HECA: variants seen among roughly 807,000 people sequenced by gnomAD.
HECA encodes headcase protein homolog.
In HECA, 13 loss-of-function variants were observed where a neutral mutation model predicts 37.6. That is an observed-to-expected ratio of 0.35 (90% CI 0.23 to 0.55). The LOEUF (loss-of-function observed/expected upper bound fraction) is 0.55, where lower values mean the gene tolerates loss of function less well. Ranked by LOEUF, HECA falls within the 20% of genes least tolerant of loss-of-function variation. The probability of loss-of-function intolerance (pLI) is 0.90; values close to 1 mark genes in which losing one functional copy is unlikely to be tolerated. For missense variants in HECA, 527 were observed against 701.9 expected (o/e 0.75, Z 2.82); for synonymous variants, 307 against 291.5 (o/e 1.05, Z -0.54).
chr6:139,161,679 G>T (rs1369660545), intron 1 of HECA, among the ~76,000 whole-genome samples: 1 of 152,170 alleles, frequency 6.6e-6, no homozygotes, highest in African/African-American at 2.4e-5. Context: ...TATCAAGTCA[G>T]TCTCAACATT....
intron 1 of HECA, among the ~76,000 whole-genome samples, chr6:139,158,535 C>T (rs967681884): frequency 4.0e-5 from 6 of 150,238 alleles, no homozygotes; most frequent in South Asian, 2.1e-4. Context: ...GGAGTGGTGG[C>T]GTGCACCTGT....
chr6:139,164,339 A>G (rs1774851852), intron 1 of HECA, among the ~76,000 whole-genome samples: 1 of 152,050 alleles, frequency 6.6e-6, no homozygotes, highest in African/African-American at 2.4e-5. Flanking sequence ...ATTTCCCTCC[A>G]AAGGGGCCCT....
intron 1 of HECA, among the ~76,000 whole-genome samples, chr6:139,136,709 A>T (rs1398172044): frequency 6.6e-6 from 1 of 151,104 alleles, no homozygotes; most frequent in African/African-American, 2.4e-5. Flanking sequence ...ATCTCGGCTC[A>T]CTGCAACCAC....
chr6:139,173,464 G>A (rs1775004782), intron 2 of HECA, among the ~76,000 whole-genome samples: 1 of 152,188 alleles, frequency 6.6e-6, no homozygotes, highest in Admixed American at 6.5e-5. Flanking sequence ...TAAGGAGCAG[G>A]TTGATCCTTA....
In HECA at chr6:139,166,992, C is replaced by A. The variant is rs779323205; in HGVS notation, c.980C>A (p.Ala327Glu). The stretch of plus-strand genomic sequence containing the variant: ...AATGCCCACTTTGATTACAGCCCTG[C>A]GGGGTTGGCAGTTCACAGGGGGGGA... The part of the protein sequence containing the change: ...FRNAHFDYSP[A>E]GLAVHRGGHF... Residue 327 changes from alanine to glutamate, a missense_variant, in exon 2 of 4, where the codon GCG becomes GAG. Coordinates refer to ENST00000367658, the MANE Select transcript of HECA (RefSeq NM_016217.3). 1 of 1,614,078 alleles carries A rather than the reference C, an allele frequency of 6.2e-7. No individual in the cohort carries two copies. Among genetic ancestry groups the A allele is most frequent in the Non-Finnish European group, 8.5e-7 (1 of 1,180,058 alleles).
rs911885769 is a variant in HECA, at chr6:139,178,009, A to G, written c.*904A>G. ...TTCAGAACCAATAATTGCCACATTT[A>G]TTGTCCTCAAAATTGCTTATGGCCA... On this transcript the variant is annotated 3_prime_UTR_variant, in exon 4 of 4. Coordinates refer to ENST00000367658, the MANE Select transcript of HECA (RefSeq NM_016217.3). 4.6e-5 allele frequency: 7 copies of G among 152,216 alleles called. No homozygotes were observed. Among genetic ancestry groups the G allele is most frequent in the African/African-American group, 1.7e-4 (7 of 41,464 alleles). 9.4% of individuals were successfully genotyped at this position (152,216 alleles called of 1,614,324 possible). A position where few individuals can be genotyped will look rare whatever the true frequency, so the allele number is the denominator to read the frequency against.
rs1415738588 is a variant in HECA, at chr6:139,166,901, T to A, written c.889T>A (p.Phe297Ile). The change falls in exon 2 of 4, where the codon TTC becomes ATC. Residue 297 changes from phenylalanine (F) to isoleucine (I), a missense_variant. This residue lies in a region of HECA where 228 missense variants were observed against 259.8 expected (regional missense o/e 0.88). Coordinates refer to ENST00000367658, the MANE Select transcript of HECA (RefSeq NM_016217.3). ...GPRSSRYLGE[F>I]LKNAIHLEPH... ...CCGCTCCTCCAGATACCTCGGGGAG[T>A]TCTTAAAGAACGCCATCCATCTGGA... 9.9e-6 allele frequency: 16 copies of A among 1,613,456 alleles called. No homozygotes were observed. The highest frequency in any genetic ancestry group is 1.4e-5 in the Non-Finnish European group (16 of 1,179,922).
At chr6:139,136,554 G>A (rs1285422878) in intron 1 of HECA, among the ~76,000 whole-genome samples, 1 of 151,870 alleles carries the variant, frequency 6.6e-6, no homozygotes, top group African/African-American at 2.4e-5. Flanking sequence ...TTAATGAAGG[G>A]AGATTTGAAT....
intron 2 of HECA, among the ~76,000 whole-genome samples, chr6:139,168,403 A>G (rs1774923701): frequency 7.2e-6 from 1 of 138,478 alleles, no homozygotes; most frequent in South Asian, 2.2e-4. Flanking sequence ...ATTAGGGTTA[A>G]TTGATTATTT....
chr6:139,174,997 G>C (rs1308999457), intron 3 of HECA, among the ~76,000 whole-genome samples: 1 of 152,054 alleles, frequency 6.6e-6, no homozygotes. Context: ...TCTTAAATAG[G>C]ATTTTCTTGT....
At chr6:139,144,843 C>G (rs1187040056) in intron 1 of HECA, among the ~76,000 whole-genome samples, 1 of 152,148 alleles carries the variant, frequency 6.6e-6, no homozygotes, top group Non-Finnish European at 1.5e-5. Context: ...GTTGCAGGAT[C>G]CAAGACTGCT....
chr6:139,162,605 A>G (rs1183231296), intron 1 of HECA, among the ~76,000 whole-genome samples: 1 of 152,244 alleles, frequency 6.6e-6, no homozygotes, highest in Non-Finnish European at 1.5e-5. Flanking sequence ...AAATATTAAT[A>G]CATAGAGGTA....
intron 1 of HECA, among the ~76,000 whole-genome samples, chr6:139,141,408 T>A (rs1429360335): frequency 6.6e-6 from 1 of 152,234 alleles, no homozygotes; most frequent in African/African-American, 2.4e-5. Context: ...AGGTGCATCA[T>A]CATATGTCTG....
At chr6:139,173,881 GA>G (rs1775011254) in intron 2 of HECA, among the ~76,000 whole-genome samples, 1 of 152,170 alleles carries the variant, frequency 6.6e-6, no homozygotes, top group African/African-American at 2.4e-5. Context: ...TGAGGACAAG[GA>G]TAGTTAACAG....
intron 3 of HECA, among the ~76,000 whole-genome samples, chr6:139,175,498 C>A (rs1055627800): frequency 6.6e-6 from 1 of 152,096 alleles, no homozygotes; most frequent in Admixed American, 6.5e-5. Context: ...TTGAGAGAAA[C>A]CAGAGGAAGT....
intron 1 of HECA, among the ~76,000 whole-genome samples, chr6:139,154,305 A>G (rs1194693774): frequency 2.0e-5 from 3 of 151,898 alleles, no homozygotes; most frequent in South Asian, 2.1e-4. Context: ...GACAGACTGC[A>G]TATGAATGGG....
At chr6:139,142,034 C>T (rs1774520772) in intron 1 of HECA, among the ~76,000 whole-genome samples, 1 of 148,284 alleles carries the variant, frequency 6.7e-6, no homozygotes, top group South Asian at 2.1e-4. Flanking sequence ...TCACGCCATT[C>T]TCCTGCCTCA....
At chr6:139,153,492 G>C (rs546687218) in intron 1 of HECA, among the ~76,000 whole-genome samples, 1 of 151,324 alleles carries the variant, frequency 6.6e-6, no homozygotes, top group Non-Finnish European at 1.5e-5. Flanking sequence ...GCGCGATCTC[G>C]GCTCACTGCG....
At chr6:139,164,791 C>A (rs1774859262) in intron 1 of HECA, among the ~76,000 whole-genome samples, 1 of 150,496 alleles carries the variant, frequency 6.6e-6, no homozygotes. Flanking sequence ...ACCTCCCCCC[C>A]ACCGCCCCCC....
Sources: allele counts gnomAD v4.1 joint callset (sites outside exome capture counted in the v4.1 genomes callset), GRCh38; gene constraint gnomAD v4.1.1; regional missense constraint gnomAD v4.1.1; transcripts MANE v1.5; gene names NCBI Gene and HGNC (gene_info 2026-07-23, HGNC 2026-07-21).